AOPEP: variants seen among roughly 807,000 people sequenced by gnomAD.
AOPEP encodes the protein aminopeptidase O (putative), also known as aminopeptidase O.
AOPEP carries 77 observed loss-of-function variants against 98.1 expected under a neutral mutation model. The observed-to-expected ratio is 0.78, with a 90% confidence interval of 0.65 to 0.95. The LOEUF (loss-of-function observed/expected upper bound fraction) is 0.95. Ranked by LOEUF, AOPEP falls within the 40% of genes least tolerant of loss-of-function variation. The pLI is 0.00. For synonymous variants in AOPEP, 346 were observed against 365.3 expected (o/e 0.95, Z 0.60); for missense variants, 1,024 against 1,024.7 (o/e 1.00, Z 0.01).
At chr9:94,741,007 T>C (rs1417125342) in intron 1 of AOPEP, among the ~76,000 whole-genome samples, 1 of 152,088 alleles carries the variant, frequency 6.6e-6, no homozygotes, top group Non-Finnish European at 1.5e-5. Context: ...TACAATTGAT[T>C]GTTACCTTAA....
chr9:95,014,443 G>T (rs2062818072), intron 13 of AOPEP, among the ~76,000 whole-genome samples: 2 of 151,882 alleles, frequency 1.3e-5, no homozygotes, highest in African/African-American at 4.8e-5. Flanking sequence ...CTGCCTTCCA[G>T]CCTGGGTGAC....
chr9:95,085,134 C>T (rs1401405289), intron 16 of AOPEP: 14 of 426,138 alleles, frequency 3.3e-5, no homozygotes, highest in Admixed American at 2.3e-4. Flanking sequence ...GCATAACAGG[C>T]GTGAAGGCGG....
chr9:95,126,752 T>C, the AOPEP span: 34 of 663,528 alleles, frequency 5.1e-5, no homozygotes, highest in Non-Finnish European at 8.1e-5. Flanking sequence ...CACATACAAG[T>C]GCATACGGTG....
chr9:95,150,013 A>G, the AOPEP span: 6 of 1,614,120 alleles, frequency 3.7e-6, no homozygotes, highest in Non-Finnish European at 5.1e-6. Flanking sequence ...AGCCTCCACC[A>G]GGGGGTCAAC....
chr9:94,967,212 A>AGG (rs1262481339), intron 9 of AOPEP, among the ~76,000 whole-genome samples: 1 of 152,212 alleles, frequency 6.6e-6, no homozygotes, highest in Non-Finnish European at 1.5e-5. Context: ...CCAGTGACCG[A>AGG]GGACTTGTAC....
intron 7 of AOPEP, chr9:94,932,326 G>A (rs2055466159): frequency 5.1e-6 from 5 of 971,376 alleles, no homozygotes; most frequent in South Asian, 4.8e-5. Flanking sequence ...AGATACTGGA[G>A]TATTAACAAA....
At chr9:95,070,029 G>A (rs1363226266) in intron 14 of AOPEP, among the ~76,000 whole-genome samples, 5 of 152,234 alleles carry the variant, frequency 3.3e-5, no homozygotes, top group African/African-American at 7.2e-5. Flanking sequence ...AAAGGTGAGA[G>A]AGAAAAGAAA....
At chr9:94,858,717 G>A (rs1316232600) in intron 5 of AOPEP, among the ~76,000 whole-genome samples, 1 of 152,148 alleles carries the variant, frequency 6.6e-6, no homozygotes, top group Non-Finnish European at 1.5e-5. Context: ...TCATGAGGGT[G>A]GAGGGTGGAG....
intron 16 of AOPEP, among the ~76,000 whole-genome samples, chr9:95,083,725 C>G (rs1452677848): frequency 2.0e-5 from 3 of 152,160 alleles, no homozygotes; most frequent in Non-Finnish European, 2.9e-5. Flanking sequence ...GTGGCACACA[C>G]AGTGCACGCA....
At chr9:94,776,577 C>T (rs914770174) in intron 3 of AOPEP, among the ~76,000 whole-genome samples, 1 of 152,242 alleles carries the variant, frequency 6.6e-6, no homozygotes, top group African/African-American at 2.4e-5. Flanking sequence ...GCTAAGATTA[C>T]AGGCATGAGC....
At chr9:95,112,139 G>A in the AOPEP span, among the ~76,000 whole-genome samples, 1 of 152,254 alleles carries the variant, frequency 6.6e-6, no homozygotes, top group Non-Finnish European at 1.5e-5. Flanking sequence ...GAAAGTTGAA[G>A]TGTTTGTGAA....
At chr9:95,028,642 G>A (rs966894961) in intron 13 of AOPEP, among the ~76,000 whole-genome samples, 1 of 152,188 alleles carries the variant, frequency 6.6e-6, no homozygotes. Context: ...CAGTGAGAAT[G>A]CATTTGTGAT....
chr9:95,009,926 A>G (rs988090011), intron 13 of AOPEP, among the ~76,000 whole-genome samples: 6 of 151,870 alleles, frequency 4.0e-5, no homozygotes, highest in Admixed American at 3.9e-4. Context: ...CTGTTTTCCA[A>G]GTCTTTTAAG....
rs147182590 is a variant in AOPEP, at chr9:95,026,017, G to T, written c.2115+20401G>T. On this transcript the variant is annotated intron_variant, in intron 13 of 16. Coordinates refer to ENST00000375315, the MANE Select transcript of AOPEP (RefSeq NM_001193329.3). ...GCTCCCCTGCATGCGTCCCTCCCCC[G>T]TGTTCCTTTATTATCTTTAGAGGAA... is the stretch of plus-strand genomic sequence containing the variant. Among the ~76,000 whole-genome samples, 3 of 152,228 alleles carry T rather than the reference G, an allele frequency of 2.0e-5. No individual in the cohort carries two copies. In the East Asian group the frequency reaches 5.8e-4, roughly 29 times the overall value.
chr9:95,146,811 G>T, the AOPEP span, among the ~76,000 whole-genome samples: 1 of 151,988 alleles, frequency 6.6e-6, no homozygotes, highest in Non-Finnish European at 1.5e-5. Flanking sequence ...TCAAAGAACT[G>T]TTTCCAGAGA....
chr9:95,134,226 C>T, the AOPEP span, among the ~76,000 whole-genome samples: 1 of 152,146 alleles, frequency 6.6e-6, no homozygotes, highest in Non-Finnish European at 1.5e-5. Flanking sequence ...GCAACTGATT[C>T]CATTAGGATT....
At chr9:94,919,471 G>C (rs2053281719) in intron 5 of AOPEP, among the ~76,000 whole-genome samples, 1 of 152,068 alleles carries the variant, frequency 6.6e-6, no homozygotes, top group Non-Finnish European at 1.5e-5. Context: ...AGGCTGTCTG[G>C]GCCACCCCCC....
the AOPEP span, among the ~76,000 whole-genome samples, chr9:95,109,076 A>ATTTC: frequency 6.6e-6 from 1 of 151,998 alleles, no homozygotes; most frequent in Admixed American, 6.6e-5. Context: ...TACCTGGCTA[A>ATTTC]TTTCTTTATT....
At chr9:94,888,150 C>T (rs2048442583) in intron 5 of AOPEP, among the ~76,000 whole-genome samples, 1 of 152,132 alleles carries the variant, frequency 6.6e-6, no homozygotes, top group Non-Finnish European at 1.5e-5. Flanking sequence ...GAAAATCTCT[C>T]CATAACAGCT....
Sources: allele counts gnomAD v4.1 joint callset (sites outside exome capture counted in the v4.1 genomes callset), GRCh38; gene constraint gnomAD v4.1.1; transcripts MANE v1.5; gene names NCBI Gene and HGNC (gene_info 2026-07-23, HGNC 2026-07-21).